SUCO: variants seen among roughly 807,000 people sequenced by gnomAD.
The protein encoded by SUCO is SUN domain containing ossification factor.
A neutral mutation model predicts 148.1 loss-of-function variants in SUCO; 57 were observed. That is an observed-to-expected ratio of 0.38 (90% confidence interval 0.31 to 0.48). SUCO has a LOEUF of 0.48. SUCO is among the 20% of genes least tolerant of loss of function. The pLI is 0.96. For missense variants in SUCO, 1,331 were observed against 1,468.2 expected, an observed-to-expected ratio of 0.91 and a Z score of 1.53; for synonymous variants, 470 against 502.7, an observed-to-expected ratio of 0.93 and a Z score of 0.87.
chr1:172,560,331 G>T (rs1249938875), intron 6 of SUCO, among the ~76,000 whole-genome samples: 2 of 152,332 alleles, frequency 1.3e-5, no homozygotes, highest in East Asian at 3.9e-4. Context: ...TCTGTAACCA[G>T]GTAGTTTACT....
chr1:172,532,803 T>C (rs574889878), upstream of SUCO: 74 of 1,606,020 alleles, frequency 4.6e-5, no homozygotes, highest in African/African-American at 9.8e-4. Flanking sequence ...CGAAGGGCGG[T>C]CCACTGTAAG....
At chr1:172,568,573 A>C (rs1654722347) in intron 6 of SUCO, 2 of 365,760 alleles carry the variant, frequency 5.5e-6, no homozygotes, top group Non-Finnish European at 7.6e-6. Context: ...TTTGCCTTAA[A>C]ATTTTTGTGT....
intron 15 of SUCO, among the ~76,000 whole-genome samples, chr1:172,583,584 C>T (rs935144003): frequency 1.3e-5 from 2 of 152,170 alleles, no homozygotes; most frequent in African/African-American, 4.8e-5. Flanking sequence ...ATTTTTCTCT[C>T]TTAGATCCTT....
intron 22 of SUCO, among the ~76,000 whole-genome samples, chr1:172,605,571 T>C (rs1385795728): frequency 6.6e-6 from 1 of 151,876 alleles, no homozygotes; most frequent in Non-Finnish European, 1.5e-5. Flanking sequence ...ACCTTTGTAA[T>C]GTGTTTTGAA....
At chr1:172,555,635 T>G (rs893089373) in intron 3 of SUCO, among the ~76,000 whole-genome samples, 1 of 152,198 alleles carries the variant, frequency 6.6e-6, no homozygotes, top group African/African-American at 2.4e-5. Context: ...AGGGAGAAAG[T>G]GCTTTCCTAG....
rs1351111392 is a variant in SUCO, at chr1:172,574,006, C to G, written c.1157+8C>G. On this transcript the variant is annotated splice_region_variant and intron_variant, in intron 10 of 23. Coordinates refer to ENST00000263688, the MANE Select transcript of SUCO (RefSeq NM_014283.5). The stretch of plus-strand genomic sequence containing the variant: ...GGTTTCTATCAGTGACAGGTAAATT[C>G]TAAAGCTGTTTCTATAGGGTCTATG... 1 of 1,489,436 alleles carries G rather than the reference C, an allele frequency of 6.7e-7. No homozygotes were observed. Among genetic ancestry groups the G allele is most frequent in the Non-Finnish European group, 9.3e-7 (1 of 1,073,278 alleles). 92.3% of individuals were successfully genotyped at this position (1,489,436 alleles called of 1,614,324 possible).
chr1:172,578,109 A>G (rs1655591854), intron 13 of SUCO, among the ~76,000 whole-genome samples, 189 bp from the exon 14 acceptor site: 1 of 151,922 alleles, frequency 6.6e-6, no homozygotes, highest in Non-Finnish European at 1.5e-5. Flanking sequence ...AAATGCCTTA[A>G]ATAGATTAGT....
At chr1:172,566,530 T>G (rs1239393265) in intron 6 of SUCO, among the ~76,000 whole-genome samples, 2 of 152,228 alleles carry the variant, frequency 1.3e-5, no homozygotes, top group Non-Finnish European at 2.9e-5. Flanking sequence ...GCTGGTGGTG[T>G]TAAACAGCAA....
chr1:172,602,198 T>A lies in SUCO; in HGVS notation c.3153T>A (p.Asn1051Lys). 2.5e-6 allele frequency: 4 copies of A among 1,612,022 alleles called. No homozygotes were observed. Among genetic ancestry groups the A allele is most frequent in the Non-Finnish European group, 3.4e-6 (4 of 1,178,962 alleles). ...GDYISKLPKS[N>K]QYPSPKRCFS... ...ATATTTCAAAACTTCCTAAAAGTAA[T>A]CAGTATCCAAGCCCTAAAAGGTAAT... The change falls in exon 21 of 24, where the codon AAT becomes AAA. Residue 1051 changes from asparagine to lysine, a missense_variant. Asn to Lys is a moderately conservative substitution (Grantham distance 94, BLOSUM62 0). Transcript: ENST00000263688.
Position 172,591,044 on chromosome 1 carries a change from G to T in SUCO, c.2886G>T (p.Gln962His). 1 of 1,611,976 alleles carries T rather than the reference G, an allele frequency of 6.2e-7. No individual in the cohort carries two copies. Among genetic ancestry groups the T allele is most frequent in the Non-Finnish European group, 8.5e-7 (1 of 1,179,006 alleles). Residue 962 changes from glutamine to histidine, a missense_variant, in exon 19 of 24, where the codon CAG becomes CAT. Physicochemically the swap from Gln to His is conservative, Grantham distance 24. Transcript: ENST00000263688. ...KAFNKTIVKL[Q>H]NTSRIAEEQD... The stretch of plus-strand genomic sequence containing the variant: ...TCAATAAAACAATCGTGAAACTTCA[G>T]AATACTTCAAGAATAGCAGAGGAGC...
intron 9 of SUCO, among the ~76,000 whole-genome samples, chr1:172,573,282 T>C (rs1655182245): frequency 6.6e-6 from 1 of 152,232 alleles, no homozygotes; most frequent in South Asian, 2.1e-4. Context: ...TTACAGTCTC[T>C]AGATTTTTTA....
At chr1:172,574,518 G>T (rs1655284691) in intron 10 of SUCO, among the ~76,000 whole-genome samples, 1 of 151,826 alleles carries the variant, frequency 6.6e-6, no homozygotes, top group Non-Finnish European at 1.5e-5. Flanking sequence ...ACTGCATTTT[G>T]TCAACCAGAG....
At chr1:172,553,817 A>G (rs1206645661) in intron 3 of SUCO, among the ~76,000 whole-genome samples, 1 of 152,134 alleles carries the variant, frequency 6.6e-6, no homozygotes, top group Non-Finnish European at 1.5e-5. Context: ...TTTTTCTCTC[A>G]TATTACATTC....
In SUCO at chr1:172,609,910, A is replaced by G. The variant is rs1238091551; in HGVS notation, c.3416A>G (p.Lys1139Arg). The change falls in exon 24 of 24, where the codon AAG becomes AGG. Residue 1139 changes from lysine to arginine, a missense_variant. Coordinates refer to ENST00000263688, the MANE Select transcript of SUCO (RefSeq NM_014283.5). ...PIANGDIKGR[K>R]PFTNQRDFSN... ...GCCAATGGCGACATAAAAGGAAGAA[A>G]GCCCTTTACGAACCAGAGAGATTTT... The G allele has an allele frequency of 6.2e-7, 1 of 1,613,950 alleles. No individual in the cohort carries two copies. The highest frequency in any genetic ancestry group is 2.2e-5 in the East Asian group (1 of 44,872).
chr1:172,535,084 G>T (rs1004285599), intron 1 of SUCO, among the ~76,000 whole-genome samples: 1 of 152,122 alleles, frequency 6.6e-6, no homozygotes, highest in Non-Finnish European at 1.5e-5. Context: ...GCTATCTTTT[G>T]ATTAAGCTAA....
At chr1:172,570,317 A>G (rs1012585851) in intron 8 of SUCO, 146 bp downstream of exon 8, 4 of 507,300 alleles carry the variant, frequency 7.9e-6, no homozygotes, top group Non-Finnish European at 1.0e-5. Context: ...TCAAAACATT[A>G]TCTTGTATGA....
upstream of SUCO, chr1:172,532,784 C>T: frequency 6.2e-7 from 1 of 1,610,352 alleles, no homozygotes; most frequent in Non-Finnish European, 8.5e-7. Context: ...GGACTCAGCG[C>T]GCGAGGGACG....
chr1:172,535,043 A>G (rs1345760161), intron 1 of SUCO, among the ~76,000 whole-genome samples: 1 of 152,122 alleles, frequency 6.6e-6, no homozygotes, highest in African/African-American at 2.4e-5. Context: ...ATTTAAGTTA[A>G]CTCTGCTTCT....
At chr1:172,550,837 A>G in intron 1 of SUCO, 1 of 910,414 alleles carries the variant, frequency 1.1e-6, no homozygotes, top group Non-Finnish European at 1.3e-6. Flanking sequence ...TATAATCGTA[A>G]CATATTTTTC....
Sources: gnomAD v4.1 joint callset for allele counts (sites outside exome capture counted in the v4.1 genomes callset) on GRCh38, gnomAD v4.1.1 for gene constraint, MANE v1.5 for transcripts, NCBI Gene and HGNC (gene_info 2026-07-23, HGNC 2026-07-21) for gene names.